Variants in C17orf67 observed in about 807,000 individuals in gnomAD.
The protein encoded by C17orf67 is chromosome 17 open reading frame 67.
In C17orf67, 12 loss-of-function variants were observed where a neutral mutation model predicts 11.2. The ratio of observed to expected loss-of-function variants is 1.07; its 90% CI spans 0.68 to 1.73. C17orf67 has a LOEUF of 1.73. C17orf67 is among the 40% of genes most tolerant of loss of function. C17orf67 has a pLI of 0.00. For synonymous variants in C17orf67, 59 were observed against 46.9 expected (o/e 1.26, Z -1.05); for missense variants, 115 against 113.5 (o/e 1.01, Z -0.06).
At chr17:56,817,155 C>G (rs563192092) in intron 4 of C17orf67, among the ~76,000 whole-genome samples, 1 of 151,944 alleles carries the variant, frequency 6.6e-6, no homozygotes, top group South Asian at 2.1e-4. Context: ...TGCTCTCAGC[C>G]TAAGAAATTC....
Position 56,801,206 on chromosome 17 carries a change from C to G in C17orf67, c.157-6026G>C, listed in dbSNP as rs567760919. On this transcript the variant is annotated intron_variant, in intron 6 of 7. Coordinates refer to ENST00000397861, the MANE Select transcript of C17orf67 (RefSeq NM_001085430.4). Reference sequence around the variant, plus strand: ...GAACCATTACAAAGTATGCATAGAACAGGTCCATACAAACAGCAGGCCAAT... The same window carrying G: ...GAACCATTACAAAGTATGCATAGAAGAGGTCCATACAAACAGCAGGCCAAT... 7.2e-5 allele frequency among the ~76,000 whole-genome samples: 11 copies of G among 152,288 alleles called. No homozygotes were observed. The South Asian group carries it at 2.3e-3, about 32-fold the overall frequency.
chr17:56,825,939 C>T (rs1441029246), intron 2 of C17orf67, among the ~76,000 whole-genome samples: 10 of 92,198 alleles, frequency 1.1e-4, no homozygotes, highest in Non-Finnish European at 1.9e-4. Context: ...TGGGGGAAAC[C>T]TGTGAGTGTG....
At chr17:56,818,489 C>T (rs935108536) in intron 4 of C17orf67, among the ~76,000 whole-genome samples, 1 of 152,098 alleles carries the variant, frequency 6.6e-6, no homozygotes. Context: ...TATGCCACTA[C>T]ACTCAAGTCT....
intron 6 of C17orf67, among the ~76,000 whole-genome samples, chr17:56,808,421 A>C (rs1358276745): frequency 6.6e-6 from 1 of 151,962 alleles, no homozygotes; most frequent in East Asian, 1.9e-4. Flanking sequence ...TTCTCTTCAT[A>C]CGCTACCTCC....
chr17:56,825,944 A>AGTGTGTGT (rs34927974), intron 2 of C17orf67, among the ~76,000 whole-genome samples: 13 of 90,186 alleles, frequency 1.4e-4, no homozygotes, highest in Admixed American at 3.8e-4. Flanking sequence ...GAAACCTGTG[A>AGTGTGTGT]GTGTGTGTGT....
At chr17:56,805,141 C>G (rs1366435860) in intron 6 of C17orf67, among the ~76,000 whole-genome samples, 1 of 152,128 alleles carries the variant, frequency 6.6e-6, no homozygotes, top group Non-Finnish European at 1.5e-5. Flanking sequence ...AAATAGCAAC[C>G]TTGCGCTGCA....
In C17orf67 at chr17:56,795,094, G is replaced by A. The variant is rs1905185513; in HGVS notation, c.243C>T (p.His81=). 1.9e-6 allele frequency: 3 copies of A among 1,613,996 alleles called. No individual in the cohort carries two copies. Among genetic ancestry groups the A allele is most frequent in the South Asian group, 2.2e-5 (2 of 91,080 alleles). Residue 81 remains histidine (H), a synonymous_variant, in exon 7 of 8, where the codon CAC becomes CAT. Transcript: ENST00000397861. The part of the protein sequence containing the change: ...EHWLNPHCKP[H]CDRNRIHPV ...CAGGATGAATCCTGTTCCTGTCACA[G>A]TGGGGTTTGCAGTGAGGGTTCAGCC...
Position 56,795,177 on chromosome 17 carries a change from A to G in C17orf67, c.160T>C (p.Tyr54His), listed in dbSNP as rs772166732. 9 of 1,613,996 alleles carry G rather than the reference A, an allele frequency of 5.6e-6. No homozygotes were observed. Among genetic ancestry groups the G allele is most frequent in the East Asian group, 2.2e-5 (1 of 44,882 alleles). The change falls in exon 7 of 8, where the codon TAC becomes CAC. Residue 54 changes from tyrosine to histidine, a missense_variant. Coordinates refer to ENST00000397861, the MANE Select transcript of C17orf67 (RefSeq NM_001085430.4). The stretch of plus-strand genomic sequence containing the variant: ...TCCAGGGCGAGCAGGTGGTGCATGT[A>G]TTCCTGTCAAAACAAACCACACTGA... ...PGFPDEPMRE[Y>H]MHHLLALEHR...
At chr17:56,793,210 T>C (rs1266885241) in intron 7 of C17orf67, among the ~76,000 whole-genome samples, 1 of 152,092 alleles carries the variant, frequency 6.6e-6, no homozygotes, top group Non-Finnish European at 1.5e-5. Context: ...GCCATTACTA[T>C]CCTCATTTTA....
At chr17:56,830,212 G>C (rs955270249) in intron 2 of C17orf67, among the ~76,000 whole-genome samples, 2 of 152,062 alleles carry the variant, frequency 1.3e-5, no homozygotes, top group Non-Finnish European at 2.9e-5. Context: ...GGGCGTGGTG[G>C]CGGGCACCTG....
intron 2 of C17orf67, among the ~76,000 whole-genome samples, chr17:56,825,886 C>G: frequency 6.6e-6 from 1 of 151,866 alleles, no homozygotes; most frequent in East Asian, 1.9e-4. Context: ...GATGGTGATT[C>G]TTTTCTTCCT....
At chr17:56,793,190 T>C (rs1166285288) in intron 7 of C17orf67, among the ~76,000 whole-genome samples, 1 of 151,932 alleles carries the variant, frequency 6.6e-6, no homozygotes, top group African/African-American at 2.4e-5. Context: ...CCTAGAATCA[T>C]AAGGAAGGAG....
At chr17:56,802,411 G>A (rs1186791732) in intron 6 of C17orf67, among the ~76,000 whole-genome samples, 1 of 152,158 alleles carries the variant, frequency 6.6e-6, no homozygotes, top group African/African-American at 2.4e-5. Flanking sequence ...TCAGCAATTG[G>A]CTGCATCCCT....
intron 6 of C17orf67, among the ~76,000 whole-genome samples, chr17:56,811,343 G>A (rs560656507): frequency 3.3e-5 from 5 of 152,310 alleles, no homozygotes; most frequent in African/African-American, 1.2e-4. Context: ...TGCACTGGGT[G>A]GAATATTCTT....
chr17:56,832,274 C>G (rs1039017811), intron 2 of C17orf67, among the ~76,000 whole-genome samples: 5 of 152,176 alleles, frequency 3.3e-5, no homozygotes, highest in Non-Finnish European at 5.9e-5. Context: ...CTGCTCAAAG[C>G]TGCATCCATA....
intron 6 of C17orf67, among the ~76,000 whole-genome samples, chr17:56,803,422 A>G (rs1260610774): frequency 1.3e-5 from 2 of 152,248 alleles, no homozygotes; most frequent in Admixed American, 6.5e-5. Context: ...GAATGTCACT[A>G]CTGATACACA....
intron 6 of C17orf67, among the ~76,000 whole-genome samples, chr17:56,811,023 G>A (rs1332443760): frequency 6.6e-6 from 1 of 152,212 alleles, no homozygotes; most frequent in African/African-American, 2.4e-5. Context: ...AGCATGAGGT[G>A]AGGAGGCCTG....
chr17:56,803,359 G>A (rs1177667387), intron 6 of C17orf67, among the ~76,000 whole-genome samples: 2 of 152,232 alleles, frequency 1.3e-5, no homozygotes, highest in Admixed American at 1.3e-4. Flanking sequence ...CAGAAGGCTG[G>A]CAACTTCCCA....
At chr17:56,800,871 C>T (rs1905303653) in intron 6 of C17orf67, among the ~76,000 whole-genome samples, 2 of 151,924 alleles carry the variant, frequency 1.3e-5, no homozygotes, top group African/African-American at 4.8e-5. Flanking sequence ...GGTGGGTTCG[C>T]TCATATATTG....
Sources: gnomAD v4.1 joint callset for allele counts (sites outside exome capture counted in the v4.1 genomes callset) on GRCh38, gnomAD v4.1.1 for gene constraint, MANE v1.5 for transcripts, NCBI Gene and HGNC (gene_info 2026-07-23, HGNC 2026-07-21) for gene names.